Variants in NCR2 observed in about 807,000 individuals in gnomAD.
NCR2 encodes the protein natural cytotoxicity triggering receptor 2, also known as NK cell activating receptor (NKp44).
In NCR2, 35 loss-of-function variants were observed where a neutral mutation model predicts 30.7. That is an observed-to-expected ratio of 1.14 (90% CI 0.87 to 1.51). The LOEUF is 1.51. NCR2 is among the 40% of genes most tolerant of loss of function. NCR2 has a pLI of 0.00. For missense variants in NCR2, 316 were observed against 328.9 expected, an observed-to-expected ratio of 0.96 and a Z score of 0.30; for synonymous variants, 146 against 134.8, an observed-to-expected ratio of 1.08 and a Z score of -0.58.
At position 41,336,088 on chromosome 6, in the gene NCR2, C is replaced by T. The variant is rs1263859439; in HGVS notation, c.54C>T (p.Gly18=). 1.9e-6 allele frequency: 3 copies of T among 1,611,812 alleles called. No homozygotes were observed. The highest frequency in any genetic ancestry group is 2.2e-5 in the East Asian group (1 of 44,820). Residue 18 remains glycine, a splice_region_variant and synonymous_variant, in exon 2 of 5, where the codon GGC becomes GGT. Coordinates refer to ENST00000373089, the MANE Select transcript of NCR2 (RefSeq NM_004828.4). ...PLLLLLLLFP[G]SQAQSKAQVL... ...ATGCGTTACTTCATCATTCTCCAGGCTCTCAGGCACAATCCAAGGCTCAGG... is the reference window on the plus strand; with the variant it reads ...ATGCGTTACTTCATCATTCTCCAGGTTCTCAGGCACAATCCAAGGCTCAGG...
chr6:41,342,395 T>C (rs528260039), intron 4 of NCR2, among the ~76,000 whole-genome samples: 38 of 151,940 alleles, frequency 2.5e-4, no homozygotes, highest in African/African-American at 8.7e-4. Context: ...CTCCTCTCTC[T>C]CTCCCTCTCT....
rs1769009374 is a variant in NCR2, at chr6:41,335,921, G to C, written c.45G>C (p.Leu15=). ...ALHPLLLLLL[L]FPGSQAQSKA... ...ACCCACTGCTACTGCTGCTGCTGCTGTTCCCAGGTGAGGGGGAGGAGGAGC... is the reference window on the plus strand; with the variant it reads ...ACCCACTGCTACTGCTGCTGCTGCTCTTCCCAGGTGAGGGGGAGGAGGAGC... Residue 15 remains leucine, a synonymous_variant, in exon 1 of 5, where the codon CTG becomes CTC. Coordinates refer to ENST00000373089, the MANE Select transcript of NCR2 (RefSeq NM_004828.4). The C allele has an allele frequency of 6.4e-7, 1 of 1,570,870 alleles. No individual in the cohort carries two copies. The highest frequency in any genetic ancestry group is 8.6e-7 in the Non-Finnish European group (1 of 1,157,486).
chr6:41,338,303 A>C (rs998649311), intron 2 of NCR2, among the ~76,000 whole-genome samples: 2 of 152,248 alleles, frequency 1.3e-5, no homozygotes, highest in African/African-American at 4.8e-5. Flanking sequence ...ATATTACCAC[A>C]TAATAAAGAG....
chr6:41,336,953 G>A (rs9471579), intron 2 of NCR2, among the ~76,000 whole-genome samples: 18,627 of 152,172 alleles, frequency 0.12, 1,626 homozygotes, highest in East Asian at 0.31. Context: ...GCCTATAAGT[G>A]GAGTTATTTT....
chr6:41,347,554 C>G (rs1390597980), intron 4 of NCR2, among the ~76,000 whole-genome samples: 1 of 152,242 alleles, frequency 6.6e-6, no homozygotes, highest in African/African-American at 2.4e-5. Flanking sequence ...GGAAGAGGAG[C>G]ACCCTAGGCA....
At chr6:41,347,423 C>G (rs559610111) in intron 4 of NCR2, among the ~76,000 whole-genome samples, 3 of 152,342 alleles carry the variant, frequency 2.0e-5, no homozygotes, top group Non-Finnish European at 4.4e-5. Context: ...CTCCAAAATT[C>G]TCTTTTCTTC....
intron 2 of NCR2, among the ~76,000 whole-genome samples, chr6:41,340,257 G>A (rs1769137586): frequency 6.6e-6 from 1 of 151,912 alleles, no homozygotes; most frequent in East Asian, 1.9e-4. Context: ...CACCTCCCAG[G>A]TTCAACCCAT....
intron 4 of NCR2, among the ~76,000 whole-genome samples, chr6:41,350,010 A>C (rs1769390713): frequency 6.6e-6 from 1 of 152,164 alleles, no homozygotes; most frequent in Non-Finnish European, 1.5e-5. Flanking sequence ...TAGCTGTACA[A>C]CCCAGCTCAT....
intron 4 of NCR2, chr6:41,342,989 C>G: frequency 6.4e-7 from 1 of 1,550,630 alleles, no homozygotes; most frequent in Non-Finnish European, 8.7e-7. Context: ...AGGCCCCAGG[C>G]CCATAGACAC....
At chr6:41,350,575 C>A in intron 4 of NCR2, 103 bp from the exon 5 acceptor site, 1 of 1,039,690 alleles carries the variant, frequency 9.6e-7, no homozygotes, top group Admixed American at 2.2e-5. Flanking sequence ...GGTATGGCAA[C>A]CAACCCTGCG....
At chr6:41,343,068 T>C (rs1384680925) in intron 4 of NCR2, 2 of 1,474,068 alleles carry the variant, frequency 1.4e-6, no homozygotes, top group Non-Finnish European at 1.9e-6. Context: ...CAGCAGCTCC[T>C]CCCTGACTTC....
At chr6:41,337,684 G>A (rs1769069139) in intron 2 of NCR2, among the ~76,000 whole-genome samples, 1 of 152,128 alleles carries the variant, frequency 6.6e-6, no homozygotes, top group Admixed American at 6.5e-5. Context: ...GAGGTATAAT[G>A]TCAGAAATAG....
At chr6:41,350,539 G>A in intron 4 of NCR2, 139 bp from the exon 5 acceptor site, 1 of 695,778 alleles carries the variant, frequency 1.4e-6, no homozygotes, top group Admixed American at 2.5e-5. Flanking sequence ...GCAGTGGCCA[G>A]GAGCAGACTT....
At chr6:41,342,297 T>C in intron 4 of NCR2, 148 bp downstream of exon 4, 1 of 1,094,278 alleles carries the variant, frequency 9.1e-7, no homozygotes, top group African/African-American at 1.6e-5. Flanking sequence ...ATGGAGTCCA[T>C]CCATCTGACA....
intron 4 of NCR2, among the ~76,000 whole-genome samples, chr6:41,347,590 G>T (rs1769333041): frequency 6.6e-6 from 1 of 152,232 alleles, no homozygotes; most frequent in African/African-American, 2.4e-5. Flanking sequence ...GCCTTCTTGA[G>T]ATGCTTTCTT....
intron 4 of NCR2, 82 bp downstream of exon 4, chr6:41,342,231 G>T: frequency 3.2e-6 from 5 of 1,557,336 alleles, no homozygotes; most frequent in Non-Finnish European, 4.3e-6. Context: ...AGGGGAATCG[G>T]CCAGAGAACA....
rs558763585 is a variant in NCR2, at chr6:41,335,933, G to A, written c.52+5G>A. The A allele has an allele frequency of 1.3e-6, 2 of 1,570,944 alleles. No individual in the cohort carries two copies. Among genetic ancestry groups the A allele is most frequent in the Non-Finnish European group, 1.7e-6 (2 of 1,157,674 alleles). ...TGCTGCTGCTGCTGTTCCCAGGTGA[G>A]GGGGAGGAGGAGCCCAGGGAGCAGA... On this transcript the variant is annotated splice_donor_5th_base_variant and intron_variant, in intron 1 of 4. Transcript: ENST00000373089.
intron 4 of NCR2, among the ~76,000 whole-genome samples, chr6:41,348,915 T>C (rs898792662): frequency 6.6e-6 from 1 of 152,120 alleles, no homozygotes; most frequent in Non-Finnish European, 1.5e-5. Context: ...ATAATGTCTT[T>C]ATACTTCTTA....
intron 2 of NCR2, among the ~76,000 whole-genome samples, chr6:41,338,725 G>A (rs1052340075): frequency 7.9e-5 from 12 of 152,204 alleles, no homozygotes; most frequent in Non-Finnish European, 1.6e-4. Flanking sequence ...TACTTTGCTA[G>A]CTTTATTTGT....
Sources: allele counts gnomAD v4.1 joint callset (sites outside exome capture counted in the v4.1 genomes callset), GRCh38; gene constraint gnomAD v4.1.1; transcripts MANE v1.5; gene names NCBI Gene and HGNC (gene_info 2026-07-23, HGNC 2026-07-21).